ZNF697: variants seen among roughly 807,000 people sequenced by gnomAD.
The protein encoded by ZNF697 is zinc finger protein 697.
In ZNF697, 23 loss-of-function variants were observed where a neutral mutation model predicts 32.4. The ratio of observed to expected loss-of-function variants is 0.71; its 90% CI spans 0.51 to 1.01. ZNF697 has a LOEUF of 1.01. ZNF697 is among the 50% of genes least tolerant of loss of function. The pLI, the probability that ZNF697 is intolerant of heterozygous loss-of-function variation, is 0.00. For synonymous variants in ZNF697, 418 were observed against 337.2 expected (o/e 1.24, Z -2.62); for missense variants, 930 against 794.0 (o/e 1.17, Z -2.06).
chr1:119,631,240 T>C (rs1349698124), intron 1 of ZNF697, among the ~76,000 whole-genome samples: 1 of 152,240 alleles, frequency 6.6e-6, no homozygotes, highest in African/African-American at 2.4e-5. Context: ...ACGCGGCCCC[T>C]GGCGTGGATG....
At chr1:119,635,037 T>C (rs10802129) in intron 1 of ZNF697, among the ~76,000 whole-genome samples, 73,861 of 152,076 alleles carry the variant, frequency 0.49, 19,383 homozygotes, top group East Asian at 0.83. Flanking sequence ...TGAAACAATA[T>C]TGGTCATATA....
intron 1 of ZNF697, among the ~76,000 whole-genome samples, chr1:119,640,610 C>T (rs1045062826): frequency 6.6e-6 from 1 of 152,240 alleles, no homozygotes; most frequent in Non-Finnish European, 1.5e-5. Context: ...GCTGTGCAAA[C>T]AGAGGTGGCA....
Position 119,642,927 on chromosome 1 carries a change from C to T in ZNF697, c.-38+4764G>A, listed in dbSNP as rs78933483. Among the ~76,000 whole-genome samples the T allele has an allele frequency of 3.3e-5, 5 of 152,308 alleles. No individual in the cohort carries two copies. In the East Asian group the frequency reaches 9.7e-4, roughly 29 times the overall value. On this transcript the variant is annotated intron_variant, in intron 1 of 2. Coordinates refer to ENST00000421812, the MANE Select transcript of ZNF697 (RefSeq NM_001080470.2). ...AGTGATTCTTTGAAATTCACAAAGG[C>T]TTCCAGGTATGGGGGACAAAAAATT...
At chr1:119,636,610 C>T (rs951063223) in intron 1 of ZNF697, among the ~76,000 whole-genome samples, 1 of 152,106 alleles carries the variant, frequency 6.6e-6, no homozygotes, top group East Asian at 1.9e-4. Context: ...GCAAATGGAA[C>T]CTGCCTGAGA....
At chr1:119,636,943 C>G (rs149152789) in intron 1 of ZNF697, among the ~76,000 whole-genome samples, 2 of 152,292 alleles carry the variant, frequency 1.3e-5, no homozygotes, top group East Asian at 1.9e-4. Flanking sequence ...CACCCTGCCT[C>G]TCTTGGACGT....
intron 1 of ZNF697, among the ~76,000 whole-genome samples, chr1:119,638,572 C>CCA (rs1648984745): frequency 1.3e-5 from 2 of 152,202 alleles, no homozygotes; most frequent in Admixed American, 6.5e-5. Context: ...ACTTCACTGA[C>CCA]CACCCTGTCT....
chr1:119,635,288 G>A (rs1414071056), intron 1 of ZNF697, among the ~76,000 whole-genome samples: 1 of 152,132 alleles, frequency 6.6e-6, no homozygotes, highest in Non-Finnish European at 1.5e-5. Flanking sequence ...TGGTTACAAG[G>A]CTTAATACTG....
intron 1 of ZNF697, among the ~76,000 whole-genome samples, chr1:119,636,131 G>T (rs774199971): frequency 6.6e-6 from 1 of 152,122 alleles, no homozygotes; most frequent in Non-Finnish European, 1.5e-5. Context: ...TTCAGTCTGG[G>T]TTCCTTACCT....
rs1387440070 is a variant in ZNF697, at chr1:119,648,156, G to C, written c.-503C>G. Among the ~76,000 whole-genome samples the C allele has an allele frequency of 6.6e-6, 1 of 151,722 alleles. No homozygotes were observed. The highest frequency in any genetic ancestry group is 1.5e-5 in the Non-Finnish European group (1 of 67,886). On this transcript the variant is annotated 5_prime_UTR_variant, in exon 1 of 3. Transcript: ENST00000421812. Reference sequence around the variant, plus strand: ...ACCGCAGCGCGTCTGCCCTTGTGCGGCGGCGGCGGCTGCAGCGGCCGCTGG... The same window carrying C: ...ACCGCAGCGCGTCTGCCCTTGTGCGCCGGCGGCGGCTGCAGCGGCCGCTGG...
intron 1 of ZNF697, among the ~76,000 whole-genome samples, chr1:119,635,814 A>C (rs184737698): frequency 2.0e-3 from 310 of 152,302 alleles, no homozygotes; most frequent in African/African-American, 7.0e-3. Flanking sequence ...CAAACTGAGA[A>C]CTTTTAAATT....
chr1:119,634,766 A>G (rs950792738), intron 1 of ZNF697, among the ~76,000 whole-genome samples: 2 of 152,250 alleles, frequency 1.3e-5, no homozygotes, highest in African/African-American at 4.8e-5. Context: ...ACCAACCCCA[A>G]TATACTGACC....
intron 1 of ZNF697, among the ~76,000 whole-genome samples, chr1:119,636,212 C>T (rs1474914293): frequency 6.6e-6 from 1 of 152,130 alleles, no homozygotes; most frequent in Non-Finnish European, 1.5e-5. Context: ...TGGTATTTTT[C>T]TTGAGCATGA....
chr1:119,633,509 G>T (rs1010435563), intron 1 of ZNF697, among the ~76,000 whole-genome samples: 4 of 152,148 alleles, frequency 2.6e-5, no homozygotes, highest in Admixed American at 6.5e-5. Context: ...ACCCAAGAGA[G>T]CAGATGCAGA....
rs868197050 is a variant in ZNF697, at chr1:119,622,772, G to A, written c.1571C>T (p.Ala524Val). ...ATAGCGGAAGCCTTTGCCGCAGCCC[G>A]CACACTTGTGCGGCTTGTTGCCCGT... ...IHTGNKPHKC[A>V]GCGKGFRYKT... The change falls in exon 3 of 3, where the codon GCG becomes GTG. Residue 524 changes from alanine (A) to valine (V), a missense_variant. Transcript: ENST00000421812. 2 of 1,589,104 alleles carry A rather than the reference G, an allele frequency of 1.3e-6. No individual in the cohort carries two copies. Among genetic ancestry groups the A allele is most frequent in the South Asian group, 1.1e-5 (1 of 87,972 alleles).
intron 1 of ZNF697, among the ~76,000 whole-genome samples, chr1:119,642,034 C>T (rs181642346): frequency 2.0e-5 from 3 of 152,242 alleles, no homozygotes; most frequent in East Asian, 1.9e-4. Flanking sequence ...ATCCAAAACA[C>T]GACAACATCA....
intron 1 of ZNF697, among the ~76,000 whole-genome samples, chr1:119,628,640 CACA>C (rs1225057001): frequency 6.6e-6 from 1 of 152,176 alleles, no homozygotes; most frequent in Admixed American, 6.5e-5. Context: ...CCATTCATGG[CACA>C]ACAACTACTC....
chr1:119,635,445 A>G (rs1336932258), intron 1 of ZNF697, among the ~76,000 whole-genome samples: 1 of 152,214 alleles, frequency 6.6e-6, no homozygotes, highest in Non-Finnish European at 1.5e-5. Context: ...TTCCATTTTC[A>G]TCTACTTTTA....
rs1321435096 is a variant in ZNF697, at chr1:119,622,638, TG to T, written c.*66del. ...CCGCCCCTTCCCCACTTCCTTCCCC[TG>T]GGTCAGTCCCAGGATATCTACCCCC... is the stretch of plus-strand genomic sequence containing the variant. On this transcript the variant is annotated 3_prime_UTR_variant, in exon 3 of 3. Coordinates refer to ENST00000421812, the MANE Select transcript of ZNF697 (RefSeq NM_001080470.2). The T allele has an allele frequency of 2.1e-6, 3 of 1,402,238 alleles. No homozygotes were observed. The East Asian group carries it at 7.9e-5, about 37-fold the overall frequency. The allele number at this position is 1,402,238 out of a possible 1,614,324, so 86.9% of individuals were successfully genotyped here. A position where few individuals can be genotyped will look rare whatever the true frequency, so the allele number is the denominator to read the frequency against.
At chr1:119,641,909 C>T (rs899049304) in intron 1 of ZNF697, among the ~76,000 whole-genome samples, 1 of 152,166 alleles carries the variant, frequency 6.6e-6, no homozygotes, top group Non-Finnish European at 1.5e-5. Context: ...TATAAATTAC[C>T]TGTTTTGGGT....
Sources: allele counts gnomAD v4.1 joint callset (sites outside exome capture counted in the v4.1 genomes callset), GRCh38; gene constraint gnomAD v4.1.1; transcripts MANE v1.5; gene names NCBI Gene and HGNC (gene_info 2026-07-23, HGNC 2026-07-21).